SCRN1: variants seen among roughly 807,000 people sequenced by gnomAD.
The protein encoded by SCRN1 is secernin 1.
Under a neutral mutation model 43.3 loss-of-function variants are expected in SCRN1, and 19 were observed. The observed-to-expected ratio is 0.44, with a 90% CI of 0.31 to 0.64. The LOEUF is 0.64. SCRN1 is among the 30% of genes least tolerant of loss of function. SCRN1 has a pLI of 0.09. For missense variants in SCRN1, 447 were observed against 524.1 expected (o/e 0.85, Z 1.44); for synonymous variants, 183 against 188.9 (o/e 0.97, Z 0.26).
chr7:29,928,024 G>A (rs1787026773), intron 6 of SCRN1, among the ~76,000 whole-genome samples: 1 of 152,224 alleles, frequency 6.6e-6, no homozygotes, highest in South Asian at 2.1e-4. Flanking sequence ...TCAGGAGGTT[G>A]AGGTGGAAGA....
At chr7:29,955,112 G>T (rs149291196) in intron 3 of SCRN1, 67 bp downstream of exon 3, 23,151 of 1,397,630 alleles carry the variant, frequency 0.017, 256 homozygotes, top group Non-Finnish European at 0.019. Context: ...GGTTTAGGGA[G>T]AAATAAATCC....
intron 4 of SCRN1, among the ~76,000 whole-genome samples, chr7:29,942,747 C>A (rs902273687): frequency 2.0e-5 from 3 of 152,050 alleles, no homozygotes; most frequent in Non-Finnish European, 4.4e-5. Context: ...TGATTGCTGA[C>A]GGACACCACT....
At chr7:29,927,890 G>C (rs905656878) in intron 6 of SCRN1, among the ~76,000 whole-genome samples, 4 of 152,132 alleles carry the variant, frequency 2.6e-5, no homozygotes, top group African/African-American at 9.7e-5. Flanking sequence ...GGAGGCTGGG[G>C]CAGGTGGATC....
chr7:29,957,179 C>T, intron 2 of SCRN1, among the ~76,000 whole-genome samples: 1 of 152,228 alleles, frequency 6.6e-6, no homozygotes, highest in East Asian at 1.9e-4. Flanking sequence ...ATTTCCATTT[C>T]CCCAATTATT....
intron 1 of SCRN1, chr7:29,969,865 T>C (rs764300632): frequency 2.2e-6 from 1 of 456,446 alleles, no homozygotes; most frequent in Non-Finnish European, 4.4e-6. Context: ...TTTCATCTTC[T>C]TCCCTTTTCA....
chr7:29,989,459 C>T (rs914788395), intron 1 of SCRN1, among the ~76,000 whole-genome samples, 183 bp downstream of exon 1: 2 of 152,120 alleles, frequency 1.3e-5, no homozygotes, highest in Non-Finnish European at 2.9e-5. Flanking sequence ...CACCTCTCCT[C>T]TGACCGCCCC....
chr7:29,947,257 A>T (rs992963265), intron 3 of SCRN1: 23 of 1,550,660 alleles, frequency 1.5e-5, no homozygotes, highest in Non-Finnish European at 1.8e-5. Context: ...TTTCCCTGGG[A>T]GCCCATGACC....
At chr7:29,975,095 C>T (rs1328528009) in intron 1 of SCRN1, among the ~76,000 whole-genome samples, 1 of 149,848 alleles carries the variant, frequency 6.7e-6, no homozygotes, top group Admixed American at 6.7e-5. Flanking sequence ...TGTATATTCT[C>T]CTTCACAAAG....
At chr7:29,975,957 A>G (rs1209289416) in intron 1 of SCRN1, among the ~76,000 whole-genome samples, 1 of 152,198 alleles carries the variant, frequency 6.6e-6, no homozygotes, top group Admixed American at 6.5e-5. Context: ...ATGCTATTGG[A>G]GGAGAGGAGA....
intron 2 of SCRN1, among the ~76,000 whole-genome samples, chr7:29,967,680 C>T (rs1644736939): frequency 6.6e-6 from 1 of 152,174 alleles, no homozygotes; most frequent in South Asian, 2.1e-4. Flanking sequence ...ATCTCCACTA[C>T]TACTTAACAT....
chr7:29,939,210 T>C (rs1787447536), intron 5 of SCRN1, among the ~76,000 whole-genome samples: 1 of 152,084 alleles, frequency 6.6e-6, no homozygotes, highest in African/African-American at 2.4e-5. Context: ...GCATTTTCCT[T>C]CTTTTTTGTT....
At chr7:29,926,236 C>T (rs17158499) in intron 7 of SCRN1, among the ~76,000 whole-genome samples, 4 of 152,138 alleles carry the variant, frequency 2.6e-5, no homozygotes, top group Non-Finnish European at 4.4e-5. Context: ...ACATGAGAAG[C>T]AGAAGCTTTG....
At chr7:29,951,393 G>T (rs1376196501) in intron 3 of SCRN1, among the ~76,000 whole-genome samples, 1 of 152,214 alleles carries the variant, frequency 6.6e-6, no homozygotes, top group Non-Finnish European at 1.5e-5. Context: ...GCTGAGTACA[G>T]TGTGCAGGGC....
At chr7:29,985,691 C>G (rs1434838344) in intron 1 of SCRN1, among the ~76,000 whole-genome samples, 2 of 152,222 alleles carry the variant, frequency 1.3e-5, no homozygotes, top group East Asian at 3.8e-4. Flanking sequence ...TGACACTCCA[C>G]TGTCCCCATG....
chr7:29,930,031 A>C (rs1347441013), intron 6 of SCRN1, among the ~76,000 whole-genome samples: 2 of 152,154 alleles, frequency 1.3e-5, no homozygotes, highest in Non-Finnish European at 2.9e-5. Context: ...CATAATAAAT[A>C]TGAGGAGGTT....
intron 3 of SCRN1, 41 bp downstream of exon 3, chr7:29,955,138 C>T: frequency 1.3e-6 from 2 of 1,569,710 alleles, no homozygotes; most frequent in Non-Finnish European, 1.7e-6. Flanking sequence ...CCATTTCCAA[C>T]CTTTTCTAGG....
chr7:29,969,201 C>T, intron 1 of SCRN1, 133 bp from the exon 2 acceptor site: 1 of 1,083,246 alleles, frequency 9.2e-7, no homozygotes, highest in Non-Finnish European at 1.3e-6. Flanking sequence ...ATTAAGAGAT[C>T]CCAGCTGGCA....
intron 4 of SCRN1, 62 bp downstream of exon 4, chr7:29,943,915 G>T (rs1787640495): frequency 1.3e-6 from 2 of 1,506,112 alleles, no homozygotes; most frequent in African/African-American, 2.8e-5. Flanking sequence ...TGTACGTGCA[G>T]GCCACCCCAT....
At chr7:29,929,881 T>G (rs187277573) in intron 6 of SCRN1, among the ~76,000 whole-genome samples, 220 of 152,352 alleles carry the variant, frequency 1.4e-3, no homozygotes, top group African/African-American at 5.0e-3. Flanking sequence ...CTCAGAATGC[T>G]CTATGTGATG....
Sources: gnomAD v4.1 joint callset for allele counts (sites outside exome capture counted in the v4.1 genomes callset) on GRCh38, gnomAD v4.1.1 for gene constraint, MANE v1.5 for transcripts, NCBI Gene and HGNC (gene_info 2026-07-23, HGNC 2026-07-21) for gene names.